SYNPR: variants seen among roughly 807,000 people sequenced by gnomAD.
The protein encoded by SYNPR is synaptoporin.
In SYNPR, 23 loss-of-function variants were observed where a neutral mutation model predicts 32.9. That is an observed-to-expected ratio of 0.70 (90% CI 0.50 to 0.99). SYNPR has a LOEUF of 0.99. Ranked by LOEUF, SYNPR falls within the 50% of genes least tolerant of loss-of-function variation. The pLI is 0.00. For synonymous variants in SYNPR, 146 were observed against 135.9 expected (o/e 1.07, Z -0.52); for missense variants, 318 against 349.3 (o/e 0.91, Z 0.71).
At chr3:63,259,524 C>A (rs1448658607) in intron 2 of SYNPR, among the ~76,000 whole-genome samples, 1 of 152,094 alleles carries the variant, frequency 6.6e-6, no homozygotes, top group African/African-American at 2.4e-5. Flanking sequence ...AATTCAACAG[C>A]CCTTCATGCT....
At chr3:63,202,830 T>C in the SYNPR span, among the ~76,000 whole-genome samples, 1 of 151,858 alleles carries the variant, frequency 6.6e-6, no homozygotes, top group Non-Finnish European at 1.5e-5. Flanking sequence ...ACTTAGAACT[T>C]CCAAAATTTA....
chr3:63,504,919 A>C (rs1022625420), intron 3 of SYNPR, among the ~76,000 whole-genome samples: 1 of 152,202 alleles, frequency 6.6e-6, no homozygotes, highest in Non-Finnish European at 1.5e-5. Flanking sequence ...GGGAAGTGAT[A>C]AAAAGAGAGC....
chr3:63,387,480 T>G (rs1312258841), intron 2 of SYNPR, among the ~76,000 whole-genome samples: 2 of 152,214 alleles, frequency 1.3e-5, no homozygotes, highest in Non-Finnish European at 2.9e-5. Flanking sequence ...TACTGCTATC[T>G]AAAGAGAACC....
intron 2 of SYNPR, among the ~76,000 whole-genome samples, chr3:63,406,119 G>A (rs2088356066): frequency 1.3e-5 from 2 of 151,860 alleles, no homozygotes; most frequent in South Asian, 4.2e-4. Context: ...TCCAGAGCCT[G>A]TGTTCTCACT....
chr3:63,448,116 G>T (rs1052148677), intron 2 of SYNPR, among the ~76,000 whole-genome samples: 8 of 152,136 alleles, frequency 5.3e-5, no homozygotes, highest in Non-Finnish European at 1.0e-4. Flanking sequence ...TGATTGTCCT[G>T]CCTCAGCCTC....
chr3:63,230,296 A>G (rs1168703908), intron 1 of SYNPR, among the ~76,000 whole-genome samples: 5 of 152,188 alleles, frequency 3.3e-5, no homozygotes, highest in African/African-American at 1.2e-4. Flanking sequence ...TTTGCTATTT[A>G]TTCTTTCTGT....
At chr3:63,551,312 G>A (rs9838952) in intron 3 of SYNPR, among the ~76,000 whole-genome samples, 6,403 of 152,048 alleles carry the variant, frequency 0.042, 460 homozygotes, top group African/African-American at 0.14. Context: ...TTATTCATTC[G>A]TCAGTTAATA....
intron 2 of SYNPR, among the ~76,000 whole-genome samples, chr3:63,353,273 A>G (rs1386804837): frequency 6.6e-6 from 1 of 152,246 alleles, no homozygotes; most frequent in Non-Finnish European, 1.5e-5. Context: ...ACAGGAATTC[A>G]GAGGAGTAAG....
intron 3 of SYNPR, chr3:63,545,626 C>A (rs1447123293): frequency 6.6e-6 from 1 of 151,950 alleles, no homozygotes; most frequent in African/African-American, 2.4e-5. Flanking sequence ...AAGGCAGATC[C>A]TCCTTGAAAA....
At chr3:63,461,684 G>A (rs1232971120) in intron 2 of SYNPR, among the ~76,000 whole-genome samples, 1 of 151,798 alleles carries the variant, frequency 6.6e-6, no homozygotes, top group African/African-American at 2.4e-5. Flanking sequence ...GATAAGAAGG[G>A]TGTCTCTGGA....
At chr3:63,466,389 T>G (rs1206711094) in intron 2 of SYNPR, among the ~76,000 whole-genome samples, 4 of 152,128 alleles carry the variant, frequency 2.6e-5, no homozygotes, top group African/African-American at 4.8e-5. Flanking sequence ...TCACATCTTC[T>G]TCTCTCTCCT....
At chr3:63,317,320 T>C (rs1403287939) in intron 2 of SYNPR, among the ~76,000 whole-genome samples, 2 of 152,030 alleles carry the variant, frequency 1.3e-5, no homozygotes, top group Non-Finnish European at 2.9e-5. Context: ...TGTCTAGTGC[T>C]GTCGGTGGAG....
chr3:63,606,256 C>T (rs1281619991), intron 4 of SYNPR, among the ~76,000 whole-genome samples: 1 of 151,996 alleles, frequency 6.6e-6, no homozygotes, highest in Non-Finnish European at 1.5e-5. Flanking sequence ...ACTGATGCCT[C>T]TTTACAAAAT....
chr3:63,378,731 C>T (rs1415398207), intron 2 of SYNPR, among the ~76,000 whole-genome samples: 4 of 151,982 alleles, frequency 2.6e-5, no homozygotes, highest in Non-Finnish European at 5.9e-5. Flanking sequence ...TACCCTGTCT[C>T]ATTTCTAGTA....
intron 3 of SYNPR, among the ~76,000 whole-genome samples, chr3:63,529,362 G>A (rs1356949584): frequency 6.6e-6 from 1 of 152,124 alleles, no homozygotes; most frequent in East Asian, 1.9e-4. Context: ...TTTTCATTGT[G>A]GTACTGTTAT....
chr3:63,426,968 CT>C (rs1379010619), intron 2 of SYNPR, among the ~76,000 whole-genome samples: 2 of 151,988 alleles, frequency 1.3e-5, no homozygotes, highest in Admixed American at 6.6e-5. Flanking sequence ...TATGTCGAGC[CT>C]TGTAGTTCTA....
intron 4 of SYNPR, among the ~76,000 whole-genome samples, chr3:63,573,138 A>T (rs1047303175): frequency 6.6e-6 from 1 of 152,182 alleles, no homozygotes; most frequent in African/African-American, 2.4e-5. Flanking sequence ...AACATGAATG[A>T]GTCTCTCTGA....
chr3:63,530,840 A>T (rs1356740072), intron 3 of SYNPR, among the ~76,000 whole-genome samples: 1 of 152,188 alleles, frequency 6.6e-6, no homozygotes, highest in Non-Finnish European at 1.5e-5. Context: ...GTAGTCAGCT[A>T]GCTAAATGGC....
the SYNPR span, among the ~76,000 whole-genome samples, chr3:63,201,891 TC>T: frequency 4.6e-5 from 7 of 151,772 alleles, no homozygotes; most frequent in Admixed American, 3.9e-4. Context: ...AATTTACCCT[TC>T]CCCCCTTTTT....
Sources: allele counts gnomAD v4.1 joint callset (sites outside exome capture counted in the v4.1 genomes callset), GRCh38; gene constraint gnomAD v4.1.1; transcripts MANE v1.5; gene names NCBI Gene and HGNC (gene_info 2026-07-23, HGNC 2026-07-21).